PCDH15: variants seen among roughly 807,000 people sequenced by gnomAD.
The protein encoded by PCDH15 is protocadherin-15.
PCDH15 carries 129 observed loss-of-function variants against 178.5 expected under a neutral mutation model. The ratio of observed to expected loss-of-function variants is 0.72; its 90% CI spans 0.63 to 0.84. PCDH15 has a LOEUF of 0.84. PCDH15 is among the 40% of genes least tolerant of loss of function. The pLI is 0.00. For synonymous variants in PCDH15, 800 were observed against 732.0 expected (o/e 1.09, Z -1.50); for missense variants, 2,230 against 2,099.9 (o/e 1.06, Z -1.21).
intron 8 of PCDH15, among the ~76,000 whole-genome samples, chr10:54,259,668 G>A (rs73237213): frequency 0.067 from 10,218 of 152,094 alleles, 670 homozygotes; most frequent in African/African-American, 0.16. Flanking sequence ...CAAAAACTAG[G>A]GCATTACTAT....
intron 16 of PCDH15, among the ~76,000 whole-genome samples, chr10:54,082,816 C>T (rs1315650548): frequency 6.7e-6 from 1 of 148,336 alleles, no homozygotes; most frequent in Non-Finnish European, 1.5e-5. Context: ...GTAAAAAAAA[C>T]AACGCATATA....
At chr10:54,238,176 A>G (rs10825281) in intron 8 of PCDH15, among the ~76,000 whole-genome samples, 114,672 of 152,026 alleles carry the variant, frequency 0.75, 44,541 homozygotes, top group African/African-American at 0.86. Flanking sequence ...CTCAATATCT[A>G]CAACCTTACA....
chr10:54,672,846 CT>C (rs1383298449), intron 1 of PCDH15, among the ~76,000 whole-genome samples: 1 of 151,956 alleles, frequency 6.6e-6, no homozygotes, highest in Non-Finnish European at 1.5e-5. Flanking sequence ...AGTCATATTA[CT>C]TTACTTGCTT....
chr10:54,345,966 T>A (rs1471437378), intron 6 of PCDH15, among the ~76,000 whole-genome samples: 1 of 152,094 alleles, frequency 6.6e-6, no homozygotes, highest in East Asian at 1.9e-4. Flanking sequence ...TAAAGGCTTA[T>A]CAACTCCAGC....
intron 2 of PCDH15, among the ~76,000 whole-genome samples, chr10:55,328,142 T>C (rs76361028): frequency 0.011 from 1,642 of 152,022 alleles, 37 homozygotes; most frequent in African/African-American, 0.038. Context: ...ATATTTATAA[T>C]AATTACAGTG....
chr10:55,506,106 T>C (rs1343021348), intron 2 of PCDH15: 1 of 151,460 alleles, frequency 6.6e-6, no homozygotes, highest in East Asian at 2.0e-4. Context: ...ATCAGATTGA[T>C]TCTAGTGCAA....
chr10:55,354,637 C>T (rs1845029923), intron 2 of PCDH15, among the ~76,000 whole-genome samples: 1 of 152,018 alleles, frequency 6.6e-6, no homozygotes, highest in Admixed American at 6.6e-5. Flanking sequence ...GACTTACTGA[C>T]TTAACATTCA....
intron 2 of PCDH15, among the ~76,000 whole-genome samples, chr10:55,484,998 T>G (rs1372971037): frequency 6.6e-6 from 1 of 151,636 alleles, no homozygotes; most frequent in Non-Finnish European, 1.5e-5. Flanking sequence ...TGTCAAGACC[T>G]CAAAAGAATA....
chr10:55,605,165 C>G (rs1217215328), intron 2 of PCDH15, among the ~76,000 whole-genome samples: 1 of 150,970 alleles, frequency 6.6e-6, no homozygotes, highest in Non-Finnish European at 1.5e-5. Flanking sequence ...ATAAATTCCT[C>G]GACACATACA....
chr10:54,950,304 A>G (rs1838306196), intron 2 of PCDH15, among the ~76,000 whole-genome samples: 1 of 151,916 alleles, frequency 6.6e-6, no homozygotes, highest in Non-Finnish European at 1.5e-5. Context: ...CTGTGTCTCC[A>G]CCCAAATCTC....
At chr10:54,979,734 T>C (rs1048763262) in intron 2 of PCDH15, among the ~76,000 whole-genome samples, 3 of 151,214 alleles carry the variant, frequency 2.0e-5, no homozygotes, top group Non-Finnish European at 4.4e-5. Context: ...GAAAATGTGA[T>C]ACATATATAC....
At chr10:54,043,231 A>G (rs910738298) in intron 18 of PCDH15, among the ~76,000 whole-genome samples, 14 of 152,254 alleles carry the variant, frequency 9.2e-5, no homozygotes, top group Admixed American at 2.0e-4. Context: ...AAAAGAATAA[A>G]TGAAGCTCAG....
intron 2 of PCDH15, among the ~76,000 whole-genome samples, chr10:55,368,507 GA>G (rs1845420038): frequency 6.6e-6 from 1 of 152,118 alleles, no homozygotes; most frequent in South Asian, 2.1e-4. Flanking sequence ...ATTTAAGTTT[GA>G]TTGCTCTATC....
rs35815464 is a variant in PCDH15 at position 54,539,614 on chromosome 10, A to C, written c.92-11737T>G. 5.1e-3 allele frequency among the ~76,000 whole-genome samples: 773 copies of C among 152,310 alleles called. 9 individuals are homozygous for C. The highest frequency in any genetic ancestry group is 5.9e-3 in the Non-Finnish European group (398 of 68,006). On this transcript the variant is annotated intron_variant, in intron 2 of 37. Transcript: ENST00000644397. ...CAGAAATTCTGGAATTAAATTTGAC[A>C]CTTGACAAATTGAGCATAATTGATG...
chr10:53,966,793 C>G (rs12253481), intron 21 of PCDH15, among the ~76,000 whole-genome samples: 1,586 of 151,530 alleles, frequency 0.01, 26 homozygotes, highest in African/African-American at 0.033. Context: ...AAAACTCACC[C>G]TTATTAGTTA....
In PCDH15 at chr10:54,135,151, C is replaced by T. The variant is rs138115091; in HGVS notation, c.1785-2144G>A. Among the ~76,000 whole-genome samples, 1,324 of 150,896 alleles carry T rather than the reference C, an allele frequency of 8.8e-3. 18 individuals carry two copies. The highest frequency in any genetic ancestry group is 0.03 in the African/African-American group (1,241 of 40,998). On this transcript the variant is annotated intron_variant, in intron 14 of 37. Coordinates refer to ENST00000644397, the MANE Select transcript of PCDH15 (RefSeq NM_001384140.1). ...CCGGGAGACGGAGGTTGTAGTGACC[C>T]GAGATCGTGCCATTGCACTCCAGCC... is the stretch of plus-strand genomic sequence containing the variant.
intron 2 of PCDH15, among the ~76,000 whole-genome samples, chr10:54,956,190 G>A (rs1159696588): frequency 6.6e-6 from 1 of 151,160 alleles, no homozygotes; most frequent in Non-Finnish European, 1.5e-5. Flanking sequence ...TCTACTACAG[G>A]TGACTAGACC....
At chr10:53,955,479 A>C (rs1184045900) in intron 23 of PCDH15, among the ~76,000 whole-genome samples, 1 of 152,234 alleles carries the variant, frequency 6.6e-6, no homozygotes, top group Non-Finnish European at 1.5e-5. Flanking sequence ...TAAATACTTT[A>C]TCTTTAAAAT....
At chr10:54,329,754 A>G in intron 6 of PCDH15, 48 bp from the exon 7 acceptor site, 1 of 1,190,232 alleles carries the variant, frequency 8.4e-7, no homozygotes, top group East Asian at 2.3e-5. Context: ...ATGTAAGATG[A>G]ATTAATAACT....
Sources: allele counts gnomAD v4.1 joint callset (sites outside exome capture counted in the v4.1 genomes callset), GRCh38; gene constraint gnomAD v4.1.1; transcripts MANE v1.5; gene names NCBI Gene and HGNC (gene_info 2026-07-23, HGNC 2026-07-21).